SUPT3H: variants seen among roughly 807,000 people sequenced by gnomAD.
SUPT3H encodes the protein transcription initiation protein SPT3 homolog.
Under a neutral mutation model 44.3 loss-of-function variants are expected in SUPT3H, and 44 were observed. That is an observed-to-expected ratio of 0.99 (90% CI 0.78 to 1.28). SUPT3H has a LOEUF of 1.28. Among genes scored for constraint, SUPT3H ranks in the 50% most tolerant of loss-of-function variants. The pLI is 0.00. For synonymous variants in SUPT3H, 124 were observed against 125.6 expected (o/e 0.99, Z 0.09); for missense variants, 380 against 387.1 (o/e 0.98, Z 0.15).
rs541725512 is a variant in SUPT3H, at chr6:44,934,572, T to C, written c.802-1809A>G. 1.1e-4 allele frequency among the ~76,000 whole-genome samples: 17 copies of C among 152,272 alleles called. 1 individual carries two copies. The South Asian group carries it at 3.5e-3, about 32-fold the overall frequency. ...GAAATCCAAGCCCACAAAGTGATGG[T>C]ATTAGGATAAGAAGCCTCTGGGAAT... On this transcript the variant is annotated intron_variant, in intron 9 of 10. Coordinates refer to ENST00000371459, the MANE Select transcript of SUPT3H (RefSeq NM_003599.4).
At chr6:45,331,549 A>T (rs1055781484) in intron 2 of SUPT3H, among the ~76,000 whole-genome samples, 1 of 152,028 alleles carries the variant, frequency 6.6e-6, no homozygotes, top group Admixed American at 6.6e-5. Flanking sequence ...ACTCTAACAC[A>T]TATCAAAAGC....
chr6:44,970,275 GA>G (rs1378892140), intron 6 of SUPT3H, among the ~76,000 whole-genome samples: 2 of 151,952 alleles, frequency 1.3e-5, no homozygotes, highest in African/African-American at 2.4e-5. Flanking sequence ...CAGTAATGGG[GA>G]AAAAAACCAT....
chr6:45,114,797 T>C (rs553917755), intron 2 of SUPT3H, among the ~76,000 whole-genome samples: 2 of 152,270 alleles, frequency 1.3e-5, no homozygotes, highest in Admixed American at 6.5e-5. Context: ...ATAGCAATCA[T>C]TGAATGTTAG....
intron 9 of SUPT3H, among the ~76,000 whole-genome samples, chr6:44,950,836 ATTATTTTTTATTTATTTT>A (rs1242712167): frequency 3.1e-5 from 4 of 130,778 alleles, no homozygotes; most frequent in East Asian, 2.1e-4. Context: ...TTTTATTATT[ATTATTTTTTATTTATTTT>A]TTATTTTTTA....
At chr6:45,332,582 G>A (rs1787733965) in intron 2 of SUPT3H, among the ~76,000 whole-genome samples, 1 of 151,720 alleles carries the variant, frequency 6.6e-6, no homozygotes, top group Non-Finnish European at 1.5e-5. Context: ...TAAGTCAATA[G>A]TGAAGTCATG....
chr6:45,104,661 T>C (rs1343309785), intron 3 of SUPT3H, among the ~76,000 whole-genome samples: 4 of 151,998 alleles, frequency 2.6e-5, no homozygotes, highest in African/African-American at 9.7e-5. Flanking sequence ...TACATAATTA[T>C]AGAAGAAATC....
intron 1 of SUPT3H, among the ~76,000 whole-genome samples, chr6:45,373,044 C>A (rs1029576464): frequency 5.9e-5 from 9 of 151,988 alleles, no homozygotes; most frequent in Non-Finnish European, 1.3e-4. Flanking sequence ...TGACCTCAGG[C>A]GATCCACCTG....
chr6:44,939,502 G>A (rs908050061), intron 9 of SUPT3H, among the ~76,000 whole-genome samples: 1 of 152,064 alleles, frequency 6.6e-6, no homozygotes, highest in Non-Finnish European at 1.5e-5. Context: ...GTGTTCATCA[G>A]GGATATTGGT....
intron 2 of SUPT3H, among the ~76,000 whole-genome samples, chr6:45,293,998 AC>A (rs1780720686): frequency 6.6e-6 from 1 of 152,278 alleles, no homozygotes; most frequent in Admixed American, 6.5e-5. Flanking sequence ...AGCCATTATC[AC>A]GCTAATACTA....
intron 2 of SUPT3H, among the ~76,000 whole-genome samples, chr6:45,217,312 T>C (rs1003246617): frequency 2.6e-5 from 4 of 151,326 alleles, no homozygotes; most frequent in African/African-American, 9.7e-5. Context: ...CCATCTCTAC[T>C]AAAACTACAA....
intron 2 of SUPT3H, among the ~76,000 whole-genome samples, chr6:45,204,439 T>C (rs1382858166): frequency 1.3e-5 from 2 of 152,134 alleles, no homozygotes; most frequent in African/African-American, 2.4e-5. Context: ...CACCAAATAC[T>C]GGATCTACGA....
intron 7 of SUPT3H, among the ~76,000 whole-genome samples, chr6:44,955,978 C>T (rs1416265258): frequency 2.0e-5 from 3 of 150,398 alleles, no homozygotes; most frequent in Non-Finnish European, 4.4e-5. Flanking sequence ...AAAAATTAGC[C>T]AGGCATGGTA....
intron 10 of SUPT3H, among the ~76,000 whole-genome samples, chr6:44,914,104 T>G (rs1266868077): frequency 6.6e-6 from 1 of 152,218 alleles, no homozygotes; most frequent in Non-Finnish European, 1.5e-5. Flanking sequence ...TTTAAAAAAT[T>G]GCTGTCAGGA....
intron 2 of SUPT3H, among the ~76,000 whole-genome samples, chr6:45,358,074 T>C (rs1793561265): frequency 6.7e-6 from 1 of 149,774 alleles, no homozygotes; most frequent in Non-Finnish European, 1.5e-5. Flanking sequence ...TGTGGGACAA[T>C]GACAACTTAA....
chr6:44,896,140 TTAG>T (rs1356307919), intron 10 of SUPT3H, among the ~76,000 whole-genome samples: 2 of 152,022 alleles, frequency 1.3e-5, no homozygotes, highest in African/African-American at 4.8e-5. Context: ...TGCTAGTCAA[TTAG>T]TATTTCAAAA....
intron 2 of SUPT3H, among the ~76,000 whole-genome samples, chr6:45,258,021 A>C (rs948305988): frequency 5.3e-5 from 8 of 152,176 alleles, no homozygotes; most frequent in Non-Finnish European, 8.8e-5. Context: ...AAAACCTCAA[A>C]TCCCAGAAAA....
chr6:45,328,834 T>C (rs752846697), intron 2 of SUPT3H: 2 of 1,565,848 alleles, frequency 1.3e-6, no homozygotes, highest in Admixed American at 3.4e-5. Flanking sequence ...CTGTTAAACA[T>C]AAAGGTATGA....
At chr6:45,322,759 C>A in intron 2 of SUPT3H, 5 of 697,394 alleles carry the variant, frequency 7.2e-6, no homozygotes, top group South Asian at 1.9e-5. Context: ...AAAAATAAGC[C>A]TACAATAACT....
chr6:45,099,020 T>C, intron 3 of SUPT3H: 1 of 378,176 alleles, frequency 2.6e-6, no homozygotes, highest in Non-Finnish European at 5.2e-6. Context: ...TTCCTCCTCC[T>C]ACAGCAGCAG....
Sources: gnomAD v4.1 joint callset for allele counts (sites outside exome capture counted in the v4.1 genomes callset) on GRCh38, gnomAD v4.1.1 for gene constraint, MANE v1.5 for transcripts, NCBI Gene and HGNC (gene_info 2026-07-23, HGNC 2026-07-21) for gene names.